The following APELA variants were observed in gnomAD, a reference collection of about 807,000 sequenced individuals.
APELA encodes apelin receptor early endogenous ligand, also known as protein Elabela.
At chr4:164,892,339 G>T (rs1050151516) in intron 2 of APELA, among the ~76,000 whole-genome samples, 2 of 151,996 alleles carry the variant, frequency 1.3e-5, no homozygotes, top group Non-Finnish European at 2.9e-5. Flanking sequence ...AAAACATACA[G>T]AAAACCAAAT....
chr4:164,888,983 G>A (rs1245977972), intron 2 of APELA, among the ~76,000 whole-genome samples: 2 of 139,866 alleles, frequency 1.4e-5, no homozygotes, highest in Admixed American at 1.4e-4. Flanking sequence ...GTGTGTGTGT[G>A]TATGTGTGTG....
chr4:164,892,434 A>G (rs1221705754), intron 2 of APELA, among the ~76,000 whole-genome samples: 3 of 152,240 alleles, frequency 2.0e-5, no homozygotes, highest in East Asian at 1.9e-4. Context: ...TATGCATCAC[A>G]TTAAATGATT....
intron 2 of APELA, among the ~76,000 whole-genome samples, chr4:164,885,107 G>A (rs1484524889): frequency 6.6e-6 from 1 of 152,010 alleles, no homozygotes; most frequent in Non-Finnish European, 1.5e-5. Context: ...AAAAAAAAGT[G>A]CCTAAGTGTT....
chr4:164,891,173 A>C (rs1411404752), intron 2 of APELA, among the ~76,000 whole-genome samples: 2 of 152,084 alleles, frequency 1.3e-5, no homozygotes, highest in African/African-American at 2.4e-5. Context: ...ATTTTCTTCC[A>C]TTCTGTGGAT....
At chr4:164,883,842 G>A (rs1258878860) in intron 2 of APELA, among the ~76,000 whole-genome samples, 1 of 150,080 alleles carries the variant, frequency 6.7e-6, no homozygotes, top group African/African-American at 2.5e-5. Flanking sequence ...TACACCTCAA[G>A]GACCTTGATC....
intron 2 of APELA, among the ~76,000 whole-genome samples, chr4:164,891,293 A>C (rs1730877426): frequency 6.6e-6 from 1 of 152,146 alleles, no homozygotes; most frequent in African/African-American, 2.4e-5. Flanking sequence ...ATATTTAAAA[A>C]ATAATCGAAG....
At chr4:164,878,105 C>T (rs1168142247) in intron 1 of APELA, among the ~76,000 whole-genome samples, 1 of 128,112 alleles carries the variant, frequency 7.8e-6, no homozygotes, top group Non-Finnish European at 1.7e-5. Context: ...CAAAACCAAA[C>T]AGCTAAGATT....
intron 2 of APELA, among the ~76,000 whole-genome samples, chr4:164,889,537 A>AT (rs1416938405): frequency 2.2e-4 from 33 of 152,192 alleles, no homozygotes; most frequent in Admixed American, 2.2e-3. Context: ...ATTTGTACAT[A>AT]TGAAAACAGT....
At chr4:164,884,921 T>TA (rs1236371400) in intron 2 of APELA, among the ~76,000 whole-genome samples, 4 of 152,186 alleles carry the variant, frequency 2.6e-5, no homozygotes, top group African/African-American at 9.7e-5. Flanking sequence ...CCCTATTAGT[T>TA]ACAATAGATA....
At chr4:164,892,166 G>A (rs191975667) in intron 2 of APELA, among the ~76,000 whole-genome samples, 1 of 151,948 alleles carries the variant, frequency 6.6e-6, no homozygotes, top group African/African-American at 2.4e-5. Flanking sequence ...CAAATAATTA[G>A]CCAAGCAGGT....
At chr4:164,884,702 G>A (rs1176450102) in intron 2 of APELA, among the ~76,000 whole-genome samples, 1 of 152,092 alleles carries the variant, frequency 6.6e-6, no homozygotes, top group Non-Finnish European at 1.5e-5. Context: ...AGATCTGTAA[G>A]ATGGAAATTG....
intron 1 of APELA, among the ~76,000 whole-genome samples, chr4:164,878,157 GAGAAA>G (rs1318893219): frequency 1.0e-5 from 1 of 95,926 alleles, no homozygotes; most frequent in Non-Finnish European, 2.1e-5. Context: ...AAAGAAAAGA[GAGAAA>G]AGAAGAGAGA....
chr4:164,880,230 C>T (rs1730631165), intron 2 of APELA, among the ~76,000 whole-genome samples: 1 of 152,146 alleles, frequency 6.6e-6, no homozygotes, highest in Admixed American at 6.6e-5. Context: ...GTTGCTGTAT[C>T]TATTGTTTAA....
chr4:164,893,052 A>G (rs1409390037), intron 2 of APELA, among the ~76,000 whole-genome samples: 3 of 152,058 alleles, frequency 2.0e-5, no homozygotes, highest in Non-Finnish European at 4.4e-5. Flanking sequence ...CAAAGAAACA[A>G]CTTTGGTTTT....
chr4:164,880,056 G>T (rs891950417), intron 2 of APELA, among the ~76,000 whole-genome samples: 2 of 152,166 alleles, frequency 1.3e-5, no homozygotes, highest in Non-Finnish European at 2.9e-5. Flanking sequence ...GCATTCCATT[G>T]TAAGTATTTC....
chr4:164,879,454 C>A (rs902998529), intron 2 of APELA, among the ~76,000 whole-genome samples: 1 of 151,962 alleles, frequency 6.6e-6, no homozygotes, highest in African/African-American at 2.4e-5. Flanking sequence ...CCTCTTACCT[C>A]TCCCCTCTCC....
intron 2 of APELA, among the ~76,000 whole-genome samples, chr4:164,892,860 ATT>A (rs1192597807): frequency 6.6e-5 from 10 of 151,852 alleles, no homozygotes; most frequent in Admixed American, 6.6e-4. Flanking sequence ...GAATTTGTCT[ATT>A]TTATCTAAGT....
At position 164,895,922 on chromosome 4, in the gene APELA, ATT is replaced by A. The variant is rs1730967257; in HGVS notation, c.*509_*510del. ...ACAATAGGGAGAAAATAATTGGTTCATTGATTATATAGAGAGAAAGACTAAGA... is the reference window on the plus strand; with the variant it reads ...ACAATAGGGAGAAAATAATTGGTTCAGATTATATAGAGAGAAAGACTAAGA... On this transcript the variant is annotated 3_prime_UTR_variant, in exon 3 of 3. Coordinates refer to ENST00000507152, the MANE Select transcript of APELA (RefSeq NM_001297550.2). The A allele has an allele frequency of 6.6e-6, 1 of 152,220 alleles. No homozygotes were observed. Among genetic ancestry groups the A allele is most frequent in the African/African-American group, 2.4e-5 (1 of 41,472 alleles). 9.4% of individuals were successfully genotyped at this position (152,220 alleles called of 1,614,324 possible). A position where few individuals can be genotyped will look rare whatever the true frequency, so the allele number is the denominator to read the frequency against.
rs1480742349 is a variant in APELA, at chr4:164,896,819, C to T, written c.*1405C>T. On this transcript the variant is annotated 3_prime_UTR_variant, in exon 3 of 3. Transcript: ENST00000507152. Reference sequence around the variant, plus strand: ...TTCTTTTTTTTAAGATGAGATCTGGCTCTATCACCCAGGCTAAAGTGCAGT... The same window carrying T: ...TTCTTTTTTTTAAGATGAGATCTGGTTCTATCACCCAGGCTAAAGTGCAGT... 1 of 151,742 alleles carries T rather than the reference C, an allele frequency of 6.6e-6. No homozygotes were observed. Among genetic ancestry groups the T allele is most frequent in the Admixed American group, 6.6e-5 (1 of 15,220 alleles). The allele number at this position is 151,742 out of a possible 1,614,324, so 9.4% of individuals were successfully genotyped here.
Sources: gnomAD v4.1 joint callset for allele counts (sites outside exome capture counted in the v4.1 genomes callset) on GRCh38, gnomAD v4.1.1 for gene constraint, MANE v1.5 for transcripts, NCBI Gene and HGNC (gene_info 2026-07-23, HGNC 2026-07-21) for gene names.